Variants in LDLRAD4 observed in about 807,000 individuals in gnomAD.
LDLRAD4 encodes low-density lipoprotein receptor class A domain-containing protein 4.
Under a neutral mutation model 17.0 loss-of-function variants are expected in LDLRAD4, and 5 were observed. That is an observed-to-expected ratio of 0.29 (90% CI 0.15 to 0.62). The LOEUF is 0.62. LDLRAD4 is among the 20% of genes least tolerant of loss of function. The probability of loss-of-function intolerance (pLI) is 0.84; values close to 1 mark genes in which losing one functional copy is unlikely to be tolerated. For synonymous variants in LDLRAD4, 168 were observed against 171.8 expected (o/e 0.98, Z 0.17); for missense variants, 340 against 424.7 (o/e 0.80, Z 1.75).
intron 3 of LDLRAD4, among the ~76,000 whole-genome samples, chr18:13,452,999 AG>A (rs1372631561): frequency 3.3e-5 from 5 of 151,754 alleles, no homozygotes; most frequent in African/African-American, 1.2e-4. Flanking sequence ...AGGGAGAGAA[AG>A]GGCACAGAGA....
intron 1 of LDLRAD4, among the ~76,000 whole-genome samples, chr18:13,379,376 C>T (rs1208343837): frequency 6.6e-6 from 1 of 152,234 alleles, no homozygotes; most frequent in Non-Finnish European, 1.5e-5. Context: ...AGGAGGTGAC[C>T]TAGCTGAGGC....
chr18:13,318,900 G>T lies in LDLRAD4; in HGVS notation c.-383+40712G>T, dbSNP rs139011670. 4.7e-4 allele frequency among the ~76,000 whole-genome samples: 71 copies of T among 152,300 alleles called. 1 individual carries two copies. In the East Asian group the frequency reaches 0.01, roughly 22 times the overall value. ...TGAGTCATGCTCCCTCTCCACCACGGACCGCAGTCCCCTTCCCTAGTGACT... is the reference window on the plus strand; with the variant it reads ...TGAGTCATGCTCCCTCTCCACCACGTACCGCAGTCCCCTTCCCTAGTGACT... On this transcript the variant is annotated intron_variant, in intron 1 of 5. Transcript: ENST00000359446.
intron 1 of LDLRAD4, among the ~76,000 whole-genome samples, chr18:13,233,002 A>C (rs2042157892): frequency 6.6e-6 from 1 of 152,234 alleles, no homozygotes; most frequent in South Asian, 2.1e-4. Flanking sequence ...ATTAGGTGGC[A>C]GGTGAGGCGC....
intron 1 of LDLRAD4, among the ~76,000 whole-genome samples, chr18:13,376,678 C>T (rs926772889): frequency 6.6e-6 from 1 of 152,198 alleles, no homozygotes; most frequent in African/African-American, 2.4e-5. Flanking sequence ...CTGTGGAAGA[C>T]TGCTCTATCA....
chr18:13,315,985 G>A (rs568539154), intron 1 of LDLRAD4, among the ~76,000 whole-genome samples: 2 of 152,234 alleles, frequency 1.3e-5, no homozygotes, highest in East Asian at 1.9e-4. Flanking sequence ...AGAGGAAAGA[G>A]CATGAGAGCC....
At chr18:13,420,764 C>G (rs1285317922) in intron 2 of LDLRAD4, 1 of 152,258 alleles carries the variant, frequency 6.6e-6, no homozygotes, top group African/African-American at 2.4e-5. Flanking sequence ...GCCCTGAATC[C>G]CTGCTTCCTG....
chr18:13,649,943 G>C (rs1025018189), exon 6 of LDLRAD4: 5 of 397,440 alleles, frequency 1.3e-5, no homozygotes, highest in Non-Finnish European at 2.2e-5. Flanking sequence ...ATGACAGGTG[G>C]GCAAAGGGAG....
chr18:13,610,396 T>C (rs944237196), intron 3 of LDLRAD4, among the ~76,000 whole-genome samples: 2 of 148,320 alleles, frequency 1.3e-5, no homozygotes, highest in African/African-American at 5.0e-5. Flanking sequence ...CAAGCAATTC[T>C]CCTGCCTCAG....
chr18:13,318,849 G>T (rs532540489), intron 1 of LDLRAD4, among the ~76,000 whole-genome samples: 2 of 152,186 alleles, frequency 1.3e-5, no homozygotes, highest in African/African-American at 4.8e-5. Flanking sequence ...TCCTGTCCAC[G>T]TTAGAAAAGC....
chr18:13,620,532 A>G (rs1291592171), intron 3 of LDLRAD4, among the ~76,000 whole-genome samples: 1 of 152,162 alleles, frequency 6.6e-6, no homozygotes, highest in East Asian at 1.9e-4. Flanking sequence ...TGCCGGCCCA[A>G]TGTGCTGTGA....
At chr18:13,565,242 G>T (rs991309101) in intron 3 of LDLRAD4, among the ~76,000 whole-genome samples, 134 of 152,316 alleles carry the variant, frequency 8.8e-4, no homozygotes, top group African/African-American at 3.2e-3. Context: ...CACAGTAGAG[G>T]GTTGGCCAGG....
rs1222566317 is a variant in LDLRAD4, at chr18:13,349,727, TC to T, written c.-382-37613del. On this transcript the variant is annotated intron_variant, in intron 1 of 5. Transcript: ENST00000359446. Reference sequence around the variant, plus strand: ...GTTTGCTGCACCTATCAACCTGTCGTCTAGGTTTTAAGCCCCGCATGCATTA... The same window carrying T: ...GTTTGCTGCACCTATCAACCTGTCGTTAGGTTTTAAGCCCCGCATGCATTA... Among the ~76,000 whole-genome samples, 3 of 152,168 alleles carry T rather than the reference TC, an allele frequency of 2.0e-5. No individual in the cohort carries two copies. The East Asian group carries it at 5.8e-4, about 29-fold the overall frequency.
At chr18:13,608,691 C>T (rs1024436866) in intron 3 of LDLRAD4, among the ~76,000 whole-genome samples, 1 of 152,148 alleles carries the variant, frequency 6.6e-6, no homozygotes, top group African/African-American at 2.4e-5. Context: ...GTAGCCGATC[C>T]TTAAAGCCCG....
chr18:13,562,053 AGAGT>A (rs1363905049), intron 3 of LDLRAD4: 2 of 152,252 alleles, frequency 1.3e-5, no homozygotes, highest in African/African-American at 4.8e-5. Flanking sequence ...CTGGCATGGT[AGAGT>A]GAGAACTTCC....
chr18:13,640,434 A>G (rs1335874182), intron 4 of LDLRAD4, among the ~76,000 whole-genome samples: 1 of 152,162 alleles, frequency 6.6e-6, no homozygotes, highest in African/African-American at 2.4e-5. Context: ...TCCCATCTCC[A>G]GGCCATCCCG....
At chr18:13,471,145 A>C (rs1016286594) in intron 3 of LDLRAD4, 3 of 152,076 alleles carry the variant, frequency 2.0e-5, no homozygotes, top group Admixed American at 2.0e-4. Context: ...TGATTGTTGT[A>C]CTCCGTGGCC....
intron 1 of LDLRAD4, among the ~76,000 whole-genome samples, chr18:13,358,332 T>C (rs1221273230): frequency 3.3e-5 from 5 of 152,016 alleles, no homozygotes; most frequent in Non-Finnish European, 7.4e-5. Flanking sequence ...ATTATATATA[T>C]CTAGATTATT....
At chr18:13,620,295 C>T (rs57943956) in intron 3 of LDLRAD4, among the ~76,000 whole-genome samples, 1,709 of 152,332 alleles carry the variant, frequency 0.011, 28 homozygotes, top group African/African-American at 0.038. Flanking sequence ...TTACTCCTGC[C>T]TCCCCCAGAT....
intron 3 of LDLRAD4, among the ~76,000 whole-genome samples, chr18:13,528,079 C>T (rs1002680874): frequency 6.6e-6 from 1 of 152,200 alleles, no homozygotes; most frequent in Non-Finnish European, 1.5e-5. Context: ...CACCTGGCCT[C>T]ACACTTCACT....
Sources: allele counts gnomAD v4.1 joint callset (sites outside exome capture counted in the v4.1 genomes callset), GRCh38; gene constraint gnomAD v4.1.1; transcripts MANE v1.5; gene names NCBI Gene and HGNC (gene_info 2026-07-23, HGNC 2026-07-21).